GATA4: variants seen among roughly 807,000 people sequenced by gnomAD.
The protein encoded by GATA4 is GATA binding protein 4, also known as transcription factor GATA-4.
A neutral mutation model predicts 37.9 loss-of-function variants in GATA4; 7 were observed. That is an observed-to-expected ratio of 0.18 (90% CI 0.11 to 0.35). GATA4 has a LOEUF of 0.35. Among genes scored for constraint, GATA4 ranks in the 10% least tolerant of loss-of-function variants. The pLI is 1.00. For synonymous variants in GATA4, 372 were observed against 292.6 expected (o/e 1.27, Z -2.77); for missense variants, 647 against 653.0 (o/e 0.99, Z 0.10).
At chr8:11,679,114 C>T (rs1438015511) in intron 1 of GATA4, among the ~76,000 whole-genome samples, 1 of 149,064 alleles carries the variant, frequency 6.7e-6, no homozygotes, top group Admixed American at 6.8e-5. Flanking sequence ...AAATTCAAGC[C>T]ATCAATCTCC....
intron 2 of GATA4, among the ~76,000 whole-genome samples, chr8:11,743,398 T>A (rs973638587): frequency 6.6e-6 from 1 of 152,224 alleles, no homozygotes; most frequent in Admixed American, 6.5e-5. Context: ...AGGGTGAGGG[T>A]CTTCCAACAC....
intron 2 of GATA4, among the ~76,000 whole-genome samples, chr8:11,743,936 C>A (rs965877605): frequency 6.6e-6 from 1 of 152,146 alleles, no homozygotes. Context: ...AGTGAGATCC[C>A]CATCCTTGGA....
At chr8:11,681,007 C>A in intron 1 of GATA4, 1 of 943,118 alleles carries the variant, frequency 1.1e-6, no homozygotes, top group Non-Finnish European at 1.3e-6. Flanking sequence ...CCCGCACCCC[C>A]GAATCCCATA....
chr8:11,756,514 C>T (rs1209105423), intron 5 of GATA4: 9 of 271,702 alleles, frequency 3.3e-5, no homozygotes, highest in South Asian at 3.1e-4. Context: ...TTTGAACAGA[C>T]ACTAGGCTGT....
chr8:11,706,764 C>T (rs1305533046), intron 1 of GATA4, among the ~76,000 whole-genome samples: 1 of 152,120 alleles, frequency 6.6e-6, no homozygotes, highest in East Asian at 1.9e-4. Context: ...TTCCCTTCCC[C>T]CACCCCTTCT....
chr8:11,680,358 G>A (rs1798917721), intron 1 of GATA4: 3 of 457,720 alleles, frequency 6.6e-6, no homozygotes, highest in Non-Finnish European at 8.6e-6. Context: ...GGGAATCTCT[G>A]CAAGTAACTA....
At chr8:11,685,221 G>A (rs971093703) in intron 1 of GATA4, among the ~76,000 whole-genome samples, 8 of 152,178 alleles carry the variant, frequency 5.3e-5, no homozygotes, top group Non-Finnish European at 5.9e-5. Flanking sequence ...GACATGGGAA[G>A]TCTCGATTCT....
intron 5 of GATA4, 32 bp from the exon 6 acceptor site, chr8:11,756,903 G>C (rs1240030040): frequency 1.2e-6 from 2 of 1,614,200 alleles, no homozygotes; most frequent in Admixed American, 3.3e-5. Flanking sequence ...CCCTGCCGCT[G>C]ATTTGGGTGT....
rs577619234 is a variant in GATA4, at chr8:11,683,250, G to T, written c.-274+6187G>T. 2.6e-4 allele frequency: 140 copies of T among 542,532 alleles called. 1 individual carries two copies. Among genetic ancestry groups the T allele is most frequent in the East Asian group, 2.1e-3 (14 of 6,812 alleles). The allele number at this position is 542,532 out of a possible 1,614,324, so 33.6% of individuals were successfully genotyped here. A position where few individuals can be genotyped will look rare whatever the true frequency, so the allele number is the denominator to read the frequency against. ...GGGAGGACGGAGGGACGGGGCTGGC[G>T]TGCTCCACCTGGCCCTGGGAGGCGC... On this transcript the variant is annotated intron_variant, in intron 1 of 6. Transcript: ENST00000528712.
At chr8:11,757,597 G>A (rs1802664477) in intron 6 of GATA4, among the ~76,000 whole-genome samples, 1 of 152,230 alleles carries the variant, frequency 6.6e-6, no homozygotes, top group African/African-American at 2.4e-5. Flanking sequence ...CTGGCATGGG[G>A]AAAGGCCTGG....
chr8:11,703,111 C>G (rs1374554610), upstream of GATA4, among the ~76,000 whole-genome samples: 1 of 152,118 alleles, frequency 6.6e-6, no homozygotes, highest in Non-Finnish European at 1.5e-5. Flanking sequence ...GGGTGTTATC[C>G]CGACCCCTTC....
At chr8:11,693,165 G>A (rs186651138) in intron 1 of GATA4, 2 of 843,418 alleles carry the variant, frequency 2.4e-6, no homozygotes, top group Admixed American at 1.2e-4. Flanking sequence ...CTGTAAGGAA[G>A]CTTAGAAATG....
chr8:11,734,749 G>A lies in GATA4; in HGVS notation c.617-14167G>A, dbSNP rs550644995. ...AGGTGATCCCCCTGCCTCGGCCTCC[G>A]AAAGGGCTGGGATTACAAGAGTGAG... is the stretch of plus-strand genomic sequence containing the variant. On this transcript the variant is annotated intron_variant, in intron 2 of 6. Transcript: ENST00000532059. Among the ~76,000 whole-genome samples the A allele has an allele frequency of 4.6e-5, 7 of 152,156 alleles. No individual in the cohort carries two copies. The East Asian group carries it at 7.7e-4, about 17-fold the overall frequency.
chr8:11,719,192 G>C (rs1800562319), intron 2 of GATA4, among the ~76,000 whole-genome samples: 1 of 151,632 alleles, frequency 6.6e-6, no homozygotes, highest in Non-Finnish European at 1.5e-5. Context: ...TCAGGTATTA[G>C]GTGGGGGAGT....
rs1299398122 is a variant in GATA4, at chr8:11,709,222, C to T, written c.616+294C>T. On this transcript the variant is annotated intron_variant, in intron 2 of 6. Coordinates refer to ENST00000532059, the MANE Select transcript of GATA4 (RefSeq NM_001308093.3). The surrounding 1 kb of genome is among the most constrained non-coding windows in gnomAD (Gnocchi z 4.3). ...CCAGACATCGACCGTGGCCGCGCTG[C>T]GCTGTGGGTGACGCGGGAGGACAGC... Among the ~76,000 whole-genome samples, 2 of 152,192 alleles carry T rather than the reference C, an allele frequency of 1.3e-5. No homozygotes were observed. Among genetic ancestry groups the T allele is most frequent in the African/African-American group, 2.4e-5 (1 of 41,464 alleles).
At chr8:11,747,728 A>G (rs1802100310) in intron 2 of GATA4, among the ~76,000 whole-genome samples, 1 of 152,240 alleles carries the variant, frequency 6.6e-6, no homozygotes, top group Non-Finnish European at 1.5e-5. Flanking sequence ...TGTTTATGAA[A>G]CAAGAATCCA....
intron 4 of GATA4, among the ~76,000 whole-genome samples, chr8:11,750,946 C>G (rs1802275547): frequency 1.9e-5 from 1 of 51,382 alleles, no homozygotes; most frequent in Admixed American, 2.1e-4. Flanking sequence ...GACCCTGTCT[C>G]CAAAAAAATA....
rs2130075885 is a variant in GATA4 at position 11,709,406 on chromosome 8, C to T, written c.616+478C>T. Among the ~76,000 whole-genome samples, 1 of 152,332 alleles carries T rather than the reference C, an allele frequency of 6.6e-6. No homozygotes were observed. Among genetic ancestry groups the T allele is most frequent in the Non-Finnish European group, 1.5e-5 (1 of 68,026 alleles). ...ACCGCAGACCTTCTGGGCCATTTGG[C>T]GGCCCAGCTGGAGGATCCCTCGGGG... On this transcript the variant is annotated intron_variant, in intron 2 of 6. Transcript: ENST00000532059. This position sits in a 1 kb window ranked among gnomAD's most constrained non-coding sequence, Gnocchi z 4.3.
At chr8:11,688,871 G>C (rs1467066212), upstream of GATA4, among the ~76,000 whole-genome samples, 1 of 152,190 alleles carries the variant, frequency 6.6e-6, no homozygotes, top group Non-Finnish European at 1.5e-5. Flanking sequence ...GGGAACAATG[G>C]GGGCAATAGC....
Sources: allele counts gnomAD v4.1 joint callset (sites outside exome capture counted in the v4.1 genomes callset), GRCh38; gene constraint gnomAD v4.1.1; non-coding constraint Gnocchi (gnomAD v3.1); transcripts MANE v1.5; gene names NCBI Gene and HGNC (gene_info 2026-07-23, HGNC 2026-07-21).